Variants in DNMBP observed in about 807,000 individuals in gnomAD.
DNMBP encodes dynamin binding protein, also known as dynamin-binding protein.
A neutral mutation model predicts 150.0 loss-of-function variants in DNMBP; 87 were observed. The ratio of observed to expected loss-of-function variants is 0.58; its 90% CI spans 0.49 to 0.69. The LOEUF (loss-of-function observed/expected upper bound fraction) is 0.69, where lower values mean the gene tolerates loss of function less well. DNMBP is among the 30% of genes least tolerant of loss of function. The pLI is 0.00. For missense variants in DNMBP, 1,774 were observed against 1,949.0 expected (o/e 0.91, Z 1.69); for synonymous variants, 711 against 750.4 (o/e 0.95, Z 0.86).
intron 6 of DNMBP, among the ~76,000 whole-genome samples, chr10:99,904,515 G>A (rs1295318394): frequency 2.0e-5 from 3 of 151,960 alleles, no homozygotes; most frequent in East Asian, 1.9e-4. Context: ...TTCCCTCATC[G>A]GATGTTTCAG....
chr10:99,886,582 G>C lies in DNMBP; in HGVS notation c.3336C>G (p.Ser1112Arg). Residue 1112 changes from serine (S) to arginine (R), a missense_variant, in exon 13 of 17, where the codon AGC becomes AGG. Ser to Arg is a moderately radical substitution (Grantham distance 110). This residue lies in a region of DNMBP where 1,430 missense variants were observed against 1,492.5 expected (regional missense o/e 0.96). Transcript: ENST00000324109. ...LVISPLNQLL[S>R]MFTGPHKLVQ... is the part of the protein sequence containing the mutation. ...CCAGCTTATGGGGCCCTGTAAACAT[G>C]CTCAGTAACTGATTTAAGGGGGAGA... 6.2e-7 allele frequency: 1 copy of C among 1,614,132 alleles called. No homozygotes were observed. The highest frequency in any genetic ancestry group is 8.5e-7 in the Non-Finnish European group (1 of 1,180,022).
At chr10:99,886,071 G>A (rs1325847008) in intron 13 of DNMBP, among the ~76,000 whole-genome samples, 4 of 152,178 alleles carry the variant, frequency 2.6e-5, no homozygotes, top group South Asian at 2.1e-4. Flanking sequence ...CACTGCCTGC[G>A]GGCCAGGTTG....
chr10:100,000,453 T>C (rs1422108415), intron 1 of DNMBP, among the ~76,000 whole-genome samples: 2 of 152,152 alleles, frequency 1.3e-5, no homozygotes, highest in African/African-American at 4.8e-5. Context: ...AACACAAACA[T>C]TCACATGCTA....
intron 1 of DNMBP, among the ~76,000 whole-genome samples, chr10:100,009,221 T>C (rs1345263888): frequency 6.6e-6 from 1 of 152,220 alleles, no homozygotes; most frequent in African/African-American, 2.4e-5. Flanking sequence ...GTAACCTCAA[T>C]ATTCCTTTAC....
intron 10 of DNMBP, 70 bp from the exon 11 acceptor site, chr10:99,895,120 TG>T: frequency 2.4e-6 from 2 of 835,958 alleles, no homozygotes; most frequent in Admixed American, 2.9e-5. Context: ...AAAAGTAGCT[TG>T]CTTTTTTTTT....
chr10:99,943,112 C>T (rs2040319497), intron 4 of DNMBP, among the ~76,000 whole-genome samples: 1 of 152,108 alleles, frequency 6.6e-6, no homozygotes, highest in African/African-American at 2.4e-5. Flanking sequence ...TGGCAAAGCC[C>T]AGTCTCTACT....
chr10:100,008,293 C>T lies in DNMBP; in HGVS notation c.-11+1545G>A, dbSNP rs191643417. On this transcript the variant is annotated intron_variant, in intron 1 of 16. Transcript: ENST00000324109. ...TTTATGAAGATTATTATTATCTCAGCCAAAAAATACACAATATGAACACTG... is the reference window on the plus strand; with the variant it reads ...TTTATGAAGATTATTATTATCTCAGTCAAAAAATACACAATATGAACACTG... 1.3e-3 allele frequency among the ~76,000 whole-genome samples: 203 copies of T among 152,226 alleles called. 1 individual carries two copies. The highest frequency in any genetic ancestry group is 6.8e-3 in the Middle Eastern group (2 of 294).
At position 99,877,125 on chromosome 10, in the gene DNMBP, A is replaced by G. The variant is rs769787461; in HGVS notation, c.*26T>C. ...TCGGCGGACTGAAAGCAAAGGCAGC[A>G]AGGCTGGGTGGCAGGCAACGTGGGC... is the stretch of plus-strand genomic sequence containing the variant. On this transcript the variant is annotated 3_prime_UTR_variant, in exon 17 of 17. Coordinates refer to ENST00000324109, the MANE Select transcript of DNMBP (RefSeq NM_015221.4). 51 of 1,585,732 alleles carry G rather than the reference A, an allele frequency of 3.2e-5. No homozygotes were observed. The highest frequency in any genetic ancestry group is 4.2e-5 in the Non-Finnish European group (49 of 1,165,488).
chr10:99,928,992 A>G (rs2040114091), intron 4 of DNMBP, among the ~76,000 whole-genome samples: 2 of 152,122 alleles, frequency 1.3e-5, no homozygotes, highest in South Asian at 2.1e-4. Flanking sequence ...AAAAAATAAA[A>G]AAGTAGCCGG....
At position 99,877,353 on chromosome 10, in the gene DNMBP, G is replaced by C. The variant is rs772163107; in HGVS notation, c.4549-17C>G. 1 of 1,586,354 alleles carries C rather than the reference G, an allele frequency of 6.3e-7. No individual in the cohort carries two copies. Among genetic ancestry groups the C allele is most frequent in the Non-Finnish European group, 8.6e-7 (1 of 1,165,336 alleles). ...AAAATAGACCTGTGTGAGGGAGAGA[G>C]AGAAAATGGGAAATTGCTGGGAGCA... On this transcript the variant is annotated splice_polypyrimidine_tract_variant and intron_variant, in intron 16 of 16. Coordinates refer to ENST00000324109, the MANE Select transcript of DNMBP (RefSeq NM_015221.4).
chr10:99,978,480 A>T (rs891819405), intron 1 of DNMBP, among the ~76,000 whole-genome samples: 4 of 152,194 alleles, frequency 2.6e-5, no homozygotes, highest in East Asian at 1.9e-4. Context: ...AAATATATAT[A>T]TTTTTTATTT....
chr10:99,901,635 A>G (rs2039739974), intron 6 of DNMBP, among the ~76,000 whole-genome samples: 4 of 152,100 alleles, frequency 2.6e-5, no homozygotes, highest in Admixed American at 1.3e-4. Context: ...TCCCTGGCTT[A>G]CTATGATGAC....
At position 99,955,427 on chromosome 10, in the gene DNMBP, T is replaced by C. The variant is rs745330458; in HGVS notation, c.2047A>G (p.Arg683Gly). 5 of 1,613,668 alleles carry C rather than the reference T, an allele frequency of 3.1e-6. No individual in the cohort carries two copies. The highest frequency in any genetic ancestry group is 2.2e-5 in the South Asian group (2 of 91,014). ...CATGGGGAGGTCTGGTCCAGACTCC[T>C]TCCCATATGACCAGGGCCCTCCTTT... is the stretch of plus-strand genomic sequence containing the variant. ...LEKEGPGHMG[R>G]SLDQTSPCPL... Residue 683 changes from arginine to glycine, a missense_variant, in exon 4 of 17, where the codon AGG (arginine) becomes GGG (glycine). Transcript: ENST00000324109.
In DNMBP at chr10:99,917,561, C is replaced by T. The variant is rs548115473; in HGVS notation, c.2261-8415G>A. On this transcript the variant is annotated intron_variant, in intron 4 of 16. Coordinates refer to ENST00000324109, the MANE Select transcript of DNMBP (RefSeq NM_015221.4). ...AGAAAAAAGAACATTTGCTGTAAAA[C>T]GAGAATGTTCTAACAGTCAGCCCCC... Among the ~76,000 whole-genome samples the T allele has an allele frequency of 7.2e-5, 11 of 151,816 alleles. No homozygotes were observed. The East Asian group carries it at 1.7e-3, about 24-fold the overall frequency.
chr10:99,877,174 T>C lies in DNMBP; in HGVS notation c.4711A>G (p.Ile1571Val), dbSNP rs2039288554. The C allele has an allele frequency of 6.2e-7, 1 of 1,611,140 alleles. No individual in the cohort carries two copies. Among genetic ancestry groups the C allele is most frequent in the Non-Finnish European group, 8.5e-7 (1 of 1,178,826 alleles). ...GCTCAGGTGTACTCGGTTTTGCGGA[T>C]ATAATTGGAGGGAACGTAGCCCTTC... ...GKKGYVPSNY[I>V]RKTEYT is the part of the protein sequence containing the mutation. Residue 1571 changes from isoleucine (I) to valine (V), a missense_variant, in exon 17 of 17, where the codon ATC becomes GTC. Physicochemically the swap from Ile to Val is conservative, Grantham distance 29. Coordinates refer to ENST00000324109, the MANE Select transcript of DNMBP (RefSeq NM_015221.4).
At chr10:99,986,664 A>G (rs2040831481) in intron 1 of DNMBP, among the ~76,000 whole-genome samples, 2 of 151,224 alleles carry the variant, frequency 1.3e-5, no homozygotes, top group Non-Finnish European at 2.9e-5. Context: ...ATATTTAATG[A>G]AGAAAACGGA....
chr10:99,934,106 C>A (rs1158332137), intron 4 of DNMBP, among the ~76,000 whole-genome samples: 5 of 152,126 alleles, frequency 3.3e-5, no homozygotes, highest in Admixed American at 1.3e-4. Context: ...TGCAGAAATA[C>A]AGGACCAAGA....
intron 1 of DNMBP, among the ~76,000 whole-genome samples, chr10:99,976,654 C>T (rs1402323677): frequency 6.6e-6 from 1 of 152,146 alleles, no homozygotes; most frequent in Non-Finnish European, 1.5e-5. Flanking sequence ...GACACATGTT[C>T]GTGGTAGAGT....
At chr10:99,915,108 A>ATATATATATATATATAT (rs1554863106) in intron 4 of DNMBP, among the ~76,000 whole-genome samples, 1 of 99,804 alleles carries the variant, frequency 1.0e-5, no homozygotes, top group African/African-American at 4.4e-5. Context: ...AAAAAAAAAA[A>ATATATATATATATATAT]ATATATATAT....
Sources: gnomAD v4.1 joint callset for allele counts (sites outside exome capture counted in the v4.1 genomes callset) on GRCh38, gnomAD v4.1.1 for gene constraint, gnomAD v4.1.1 regional missense constraint, MANE v1.5 for transcripts, NCBI Gene and HGNC (gene_info 2026-07-23, HGNC 2026-07-21) for gene names.